The following KIAA1328 variants were observed in gnomAD, a reference collection of about 807,000 sequenced individuals.
KIAA1328 encodes the protein protein hinderin.
A neutral mutation model predicts 68.1 loss-of-function variants in KIAA1328; 52 were observed. The ratio of observed to expected loss-of-function variants is 0.76; its 90% confidence interval spans 0.61 to 0.96. The LOEUF (loss-of-function observed/expected upper bound fraction) is 0.96, where lower values mean the gene tolerates loss of function less well. KIAA1328 is among the 40% of genes least tolerant of loss of function. The pLI is 0.00. For missense variants in KIAA1328, 641 were observed against 677.6 expected (o/e 0.95, Z 0.60); for synonymous variants, 232 against 239.4 (o/e 0.97, Z 0.28).
chr18:37,222,769 CG>C lies in KIAA1328; in HGVS notation c.*543del, dbSNP rs2060587364. ...GGTGCCCCTGCCATCACAAACAACA[CG>C]AGAGCCAATTGTGAGTCAGTCTCAG... On this transcript the variant is annotated 3_prime_UTR_variant, in exon 10 of 10. Transcript: ENST00000280020. The C allele has an allele frequency of 1.0e-6, 1 of 995,726 alleles. No homozygotes were observed. The highest frequency in any genetic ancestry group is 1.2e-6 in the Non-Finnish European group (1 of 836,652). The allele number at this position is 995,726 out of a possible 1,614,324, so 61.7% of individuals were successfully genotyped here. A position where few individuals can be genotyped will look rare whatever the true frequency, so the allele number is the denominator to read the frequency against.
chr18:37,097,158 G>A (rs1278902803), intron 7 of KIAA1328, among the ~76,000 whole-genome samples: 2 of 152,152 alleles, frequency 1.3e-5, no homozygotes, highest in Admixed American at 6.5e-5. Context: ...CCATGCCTAT[G>A]TCCTGAATGG....
chr18:36,937,195 A>T (rs542899784), intron 5 of KIAA1328, among the ~76,000 whole-genome samples: 3 of 152,198 alleles, frequency 2.0e-5, no homozygotes, highest in African/African-American at 7.2e-5. Flanking sequence ...CTTACACCCT[A>T]TACAAAAATT....
rs534794091 is a variant in KIAA1328 at position 37,186,319 on chromosome 18, A to T, written c.1523+13238A>T. Among the ~76,000 whole-genome samples the T allele has an allele frequency of 4.6e-5, 7 of 151,670 alleles. No individual in the cohort carries two copies. The South Asian group carries it at 1.5e-3, about 32-fold the overall frequency. On this transcript the variant is annotated intron_variant, in intron 9 of 9. Transcript: ENST00000280020. Reference sequence around the variant, plus strand: ...GAGTGCAGTGGCTCACGCTCCCAACACTTTGGGAGGCCAAGGAGGGTGGAT... The same window carrying T: ...GAGTGCAGTGGCTCACGCTCCCAACTCTTTGGGAGGCCAAGGAGGGTGGAT...
chr18:36,829,187 A>T lies in KIAA1328; in HGVS notation c.49A>T (p.Ser17Cys). Residue 17 changes from serine to cysteine, a missense_variant, in exon 1 of 10, where the codon AGC becomes TGC. Physicochemically the swap from Ser to Cys is moderately radical, Grantham distance 112. Transcript: ENST00000280020. ...CCGCCCCAGTGCCGCGGCGTTCTGG[A>T]GCCGGGACTGTATCCTTTGCCCGCC... ...PSRPSAAAFW[S>C]RDFSDEEQSV... The T allele has an allele frequency of 6.5e-7, 1 of 1,530,956 alleles. No individual in the cohort carries two copies. Among genetic ancestry groups the T allele is most frequent in the Non-Finnish European group, 8.8e-7 (1 of 1,141,380 alleles). The allele number at this position is 1,530,956 out of a possible 1,614,324, so 94.8% of individuals were successfully genotyped here.
intron 6 of KIAA1328, among the ~76,000 whole-genome samples, chr18:36,974,809 C>T (rs1390944042): frequency 2.6e-5 from 4 of 152,144 alleles, no homozygotes; most frequent in African/African-American, 9.7e-5. Context: ...AAGGATTTTT[C>T]TATTGTTCAT....
chr18:37,183,634 C>T lies in KIAA1328; in HGVS notation c.1523+10553C>T, dbSNP rs183409141. Among the ~76,000 whole-genome samples the T allele has an allele frequency of 2.6e-3, 389 of 152,286 alleles. 1 individual carries two copies. Among genetic ancestry groups the T allele is most frequent in the Non-Finnish European group, 2.5e-3 (173 of 68,016 alleles). ...CTCCCAAGGGATTATCAAAGTATAT[C>T]AATAAGCCTGCAGTGAAAAAACTAA... On this transcript the variant is annotated intron_variant, in intron 9 of 9. Coordinates refer to ENST00000280020, the MANE Select transcript of KIAA1328 (RefSeq NM_020776.3).
intron 7 of KIAA1328, among the ~76,000 whole-genome samples, chr18:37,082,776 CTGA>C: frequency 6.6e-6 from 1 of 152,300 alleles, no homozygotes; most frequent in East Asian, 1.9e-4. Context: ...ACTTTCCAGA[CTGA>C]TCAGAGAAGA....
chr18:37,189,052 G>A (rs1028318177), intron 9 of KIAA1328, among the ~76,000 whole-genome samples: 3 of 151,990 alleles, frequency 2.0e-5, no homozygotes, highest in Non-Finnish European at 4.4e-5. Context: ...TATTAAAGGA[G>A]GAAAAAAAAC....
At chr18:36,899,792 A>G (rs1039705086) in intron 5 of KIAA1328, among the ~76,000 whole-genome samples, 3 of 151,982 alleles carry the variant, frequency 2.0e-5, no homozygotes, top group Non-Finnish European at 4.4e-5. Context: ...CACATTTTCT[A>G]TATTTGAATT....
intron 7 of KIAA1328, among the ~76,000 whole-genome samples, chr18:37,107,475 C>T (rs1417934928): frequency 6.6e-6 from 1 of 152,096 alleles, no homozygotes; most frequent in African/African-American, 2.4e-5. Context: ...CTATATTGAT[C>T]CTTCCAGCCC....
chr18:36,984,261 A>G (rs894711041), intron 6 of KIAA1328, among the ~76,000 whole-genome samples: 1 of 152,222 alleles, frequency 6.6e-6, no homozygotes, highest in African/African-American at 2.4e-5. Flanking sequence ...AGACCATGTA[A>G]TAAATCAAGA....
chr18:37,067,544 T>C lies in KIAA1328; in HGVS notation c.1231T>C (p.Cys411Arg), dbSNP rs749438330. 1.3e-6 allele frequency: 2 copies of C among 1,514,142 alleles called. No individual in the cohort carries two copies. Among genetic ancestry groups the C allele is most frequent in the Non-Finnish European group, 1.8e-6 (2 of 1,137,044 alleles). The allele number at this position is 1,514,142 out of a possible 1,614,324, so 93.8% of individuals were successfully genotyped here. A position where few individuals can be genotyped will look rare whatever the true frequency, so the allele number is the denominator to read the frequency against. Residue 411 changes from cysteine to arginine, a missense_variant and splice_region_variant, in exon 7 of 10, where the codon TGT (cysteine) becomes CGT (arginine). By Grantham distance (180) the Cys-to-Arg change is radical. Coordinates refer to ENST00000280020, the MANE Select transcript of KIAA1328 (RefSeq NM_020776.3). ...QLHQSRLDYN[C>R]LLKSNCDGWL... ...TCACCAGTCTCGACTGGATTACAAT[T>C]GGTGAGTACTGCCTGTTCTTTTTTT...
At chr18:36,965,837 G>A (rs1238114896) in intron 6 of KIAA1328, among the ~76,000 whole-genome samples, 1 of 150,500 alleles carries the variant, frequency 6.6e-6, no homozygotes, top group Non-Finnish European at 1.5e-5. Flanking sequence ...CTAATACTAG[G>A]CTATCTTCAA....
At chr18:36,935,610 G>A (rs532166018) in intron 5 of KIAA1328, among the ~76,000 whole-genome samples, 1 of 152,096 alleles carries the variant, frequency 6.6e-6, no homozygotes, top group African/African-American at 2.4e-5. Flanking sequence ...TTTTTATGGG[G>A]GTGGGGAGTG....
At chr18:37,187,831 A>C (rs1245973052) in intron 9 of KIAA1328, among the ~76,000 whole-genome samples, 3 of 152,108 alleles carry the variant, frequency 2.0e-5, no homozygotes, top group Non-Finnish European at 4.4e-5. Context: ...GTCTCTTTCC[A>C]ATGTCCTGGA....
At chr18:37,043,811 C>A (rs1270432360) in intron 6 of KIAA1328, among the ~76,000 whole-genome samples, 1 of 152,158 alleles carries the variant, frequency 6.6e-6, no homozygotes, top group Non-Finnish European at 1.5e-5. Context: ...TTCTATGCCA[C>A]CCAGTATATA....
At chr18:36,979,593 A>G (rs1030870581) in intron 6 of KIAA1328, among the ~76,000 whole-genome samples, 1 of 152,186 alleles carries the variant, frequency 6.6e-6, no homozygotes, top group African/African-American at 2.4e-5. Context: ...GAACTGCAAT[A>G]TATAATATTG....
At chr18:37,179,296 G>A (rs2059655215) in intron 9 of KIAA1328, among the ~76,000 whole-genome samples, 1 of 152,142 alleles carries the variant, frequency 6.6e-6, no homozygotes, top group Non-Finnish European at 1.5e-5. Flanking sequence ...TCTGCATGTG[G>A]ATATCCAGTT....
At chr18:37,218,710 C>T (rs1039009030) in intron 9 of KIAA1328, among the ~76,000 whole-genome samples, 3 of 152,134 alleles carry the variant, frequency 2.0e-5, no homozygotes, top group Admixed American at 1.3e-4. Flanking sequence ...GTTAGCCATT[C>T]GTCTAATCTT....
Sources: allele counts gnomAD v4.1 joint callset (sites outside exome capture counted in the v4.1 genomes callset), GRCh38; gene constraint gnomAD v4.1.1; transcripts MANE v1.5; gene names NCBI Gene and HGNC (gene_info 2026-07-23, HGNC 2026-07-21).